USP45: variants seen among roughly 807,000 people sequenced by gnomAD.
USP45 encodes ubiquitin carboxyl-terminal hydrolase 45.
A neutral mutation model predicts 95.8 loss-of-function variants in USP45; 89 were observed. The ratio of observed to expected loss-of-function variants is 0.93; its 90% CI spans 0.78 to 1.11. The LOEUF is 1.11. Among genes scored for constraint, USP45 ranks in the 50% least tolerant of loss-of-function variants. The pLI is 0.00. For synonymous variants in USP45, 281 were observed against 316.2 expected, an observed-to-expected ratio of 0.89 and a Z score of 1.18; for missense variants, 898 against 942.5, an observed-to-expected ratio of 0.95 and a Z score of 0.62.
chr6:99,453,336 T>A (rs964592285), intron 13 of USP45, among the ~76,000 whole-genome samples: 36 of 152,008 alleles, frequency 2.4e-4, no homozygotes, highest in Non-Finnish European at 2.5e-4. Context: ...AAAATCAACA[T>A]ATGAAAATCA....
intron 13 of USP45, chr6:99,462,373 T>C (rs1316138637): frequency 1.0e-6 from 1 of 984,978 alleles, no homozygotes; most frequent in Non-Finnish European, 1.2e-6. Context: ...GGATAGCGGA[T>C]GTATTAAAAC....
At chr6:99,452,111 T>C (rs1391834812) in intron 13 of USP45, among the ~76,000 whole-genome samples, 1 of 152,152 alleles carries the variant, frequency 6.6e-6, no homozygotes, top group African/African-American at 2.4e-5. Context: ...ATTCAGGACA[T>C]AGGCATGGGC....
chr6:99,466,611 TATA>T, intron 11 of USP45, 58 bp downstream of exon 11: 24 of 1,355,728 alleles, frequency 1.8e-5, no homozygotes, highest in Non-Finnish European at 2.5e-5. Context: ...TGAAAGAAAA[TATA>T]ATAAAAATGA....
chr6:99,488,181 TCAAA>T lies in USP45; in HGVS notation c.714+15_714+18del. 6.5e-7 allele frequency: 1 copy of T among 1,547,160 alleles called. No homozygotes were observed. Among genetic ancestry groups the T allele is most frequent in the African/African-American group, 1.4e-5 (1 of 73,572 alleles). Reference sequence around the variant, plus strand: ...TGGCTCATCTGAAAGCAGCTATTATTCAAACAGTTATTACTCACCAGCTGAGAGT... The same window carrying T: ...TGGCTCATCTGAAAGCAGCTATTATTCAGTTATTACTCACCAGCTGAGAGT... On this transcript the variant is annotated intron_variant, in intron 7 of 17. Transcript: ENST00000500704.
chr6:99,505,640 C>CA (rs11303051), intron 4 of USP45, among the ~76,000 whole-genome samples: 1,449 of 85,224 alleles, frequency 0.017, 13 homozygotes, highest in Middle Eastern at 0.036. Context: ...GATTCCATCT[C>CA]AAAAAAAAAA....
intron 7 of USP45, among the ~76,000 whole-genome samples, chr6:99,486,139 T>TA (rs954723060): frequency 2.6e-4 from 40 of 151,582 alleles, no homozygotes; most frequent in African/African-American, 9.4e-4. Context: ...CACAATAAGG[T>TA]AAAAAAATAA....
In USP45 at chr6:99,437,726, C is replaced by G. The variant is rs139835544; in HGVS notation, c.2161-327G>C. On this transcript the variant is annotated intron_variant, in intron 16 of 17. Coordinates refer to ENST00000500704, the MANE Select transcript of USP45 (RefSeq NM_001346022.3). ...AGGCTGGAGTGCAATGGTGTGATCT[C>G]GGCTCACTGCAACCTCCGCCACCCA... Among the ~76,000 whole-genome samples, 1,151 of 151,578 alleles carry G rather than the reference C, an allele frequency of 7.6e-3. 22 individuals are homozygous for G. Among genetic ancestry groups the G allele is most frequent in the African/African-American group, 0.026 (1,066 of 41,232 alleles).
chr6:99,462,174 A>G (rs1583123889), intron 13 of USP45: 2 of 978,530 alleles, frequency 2.0e-6, no homozygotes, highest in East Asian at 2.3e-4. Context: ...GAATAGGTCC[A>G]ATAAAAAAGT....
Position 99,464,845 on chromosome 6 carries a change from T to G in USP45, c.1165-98A>C. 4 of 1,311,430 alleles carry G rather than the reference T, an allele frequency of 3.1e-6. No homozygotes were observed. The South Asian group carries it at 5.0e-5, about 16-fold the overall frequency. The allele number at this position is 1,311,430 out of a possible 1,614,324, so 81.2% of individuals were successfully genotyped here. On this transcript the variant is annotated intron_variant, in intron 12 of 17. Coordinates refer to ENST00000500704, the MANE Select transcript of USP45 (RefSeq NM_001346022.3). ...TTTGACTGACTTGAAATACAAAAAA[T>G]TAACAAATTATCAAAATAAAAAGTG...
chr6:99,479,601 CAAA>C (rs34635892), intron 8 of USP45, among the ~76,000 whole-genome samples: 3 of 117,072 alleles, frequency 2.6e-5, no homozygotes, highest in African/African-American at 3.3e-5. Context: ...TTCCAACAGA[CAAA>C]AAAAAAAAAA....
In USP45 at chr6:99,433,563, T is replaced by G. The variant is rs1780029944; in HGVS notation, c.*2153A>C. 2.0e-5 allele frequency: 3 copies of G among 152,350 alleles called. No individual in the cohort carries two copies. Among genetic ancestry groups the G allele is most frequent in the Non-Finnish European group, 4.4e-5 (3 of 68,022 alleles). The allele number at this position is 152,350 out of a possible 1,614,324, so 9.4% of individuals were successfully genotyped here. On this transcript the variant is annotated 3_prime_UTR_variant, in exon 18 of 18. Transcript: ENST00000500704. ...AAATTCTTAAGTATCAAAAATCCAA[T>G]TTATTCCATTTTCAGAAGACAAGGA...
chr6:99,508,737 T>C lies in USP45; in HGVS notation c.146A>G (p.His49Arg). 1 of 1,613,470 alleles carries C rather than the reference T, an allele frequency of 6.2e-7. No individual in the cohort carries two copies. The highest frequency in any genetic ancestry group is 8.5e-7 in the Non-Finnish European group (1 of 1,179,828). The change falls in exon 3 of 18, where the codon CAT becomes CGT. Residue 49 changes from histidine to arginine, a missense_variant. Physicochemically the swap from His to Arg is conservative, Grantham distance 29. Transcript: ENST00000500704. Reference sequence around the variant, plus strand: ...ATTCTCAGCTATTGCTCTCTTTACATGATTCACGCTGATAGCATGACTTAC... The same window carrying C: ...ATTCTCAGCTATTGCTCTCTTTACACGATTCACGCTGATAGCATGACTTAC... ...QHVSHAISVN[H>R]VKRAIAENLW...
At chr6:99,499,154 A>G (rs1796889772) in intron 5 of USP45, among the ~76,000 whole-genome samples, 1 of 152,188 alleles carries the variant, frequency 6.6e-6, no homozygotes, top group South Asian at 2.1e-4. Context: ...AAGAGAAAGA[A>G]AATTTCTGGT....
chr6:99,487,336 A>T (rs1351330348), intron 7 of USP45, among the ~76,000 whole-genome samples: 1 of 152,170 alleles, frequency 6.6e-6, no homozygotes, highest in Non-Finnish European at 1.5e-5. Flanking sequence ...ATTTCATCGT[A>T]GTCTCAGAGA....
upstream of USP45, among the ~76,000 whole-genome samples, chr6:99,517,366 A>C (rs1583541427): frequency 6.6e-6 from 1 of 152,166 alleles, no homozygotes; most frequent in East Asian, 1.9e-4. Context: ...GTTTGGAAAT[A>C]TGGGGAATCT....
At chr6:99,514,786 T>A (rs1800759407) in intron 1 of USP45, 1 of 152,218 alleles carries the variant, frequency 6.6e-6, no homozygotes, top group Non-Finnish European at 1.5e-5. Flanking sequence ...GCACTTATGG[T>A]TTTGCTGTGT....
intron 7 of USP45, among the ~76,000 whole-genome samples, 192 bp from the exon 8 acceptor site, chr6:99,483,075 T>G (rs956024906): frequency 1.3e-5 from 2 of 152,186 alleles, no homozygotes; most frequent in African/African-American, 4.8e-5. Flanking sequence ...CACAGGTATT[T>G]TCATATCCTC....
At chr6:99,462,242 C>A (rs1396424678) in intron 13 of USP45, 11 of 983,290 alleles carry the variant, frequency 1.1e-5, no homozygotes, top group Non-Finnish European at 1.3e-5. Flanking sequence ...ATTTGTTCAG[C>A]ACAAGCACAA....
intron 13 of USP45, among the ~76,000 whole-genome samples, chr6:99,455,906 G>A (rs990785314): frequency 4.0e-5 from 6 of 150,838 alleles, no homozygotes; most frequent in East Asian, 1.9e-4. Flanking sequence ...AGACTGAGGC[G>A]GGTGGATCAT....
Sources: allele counts gnomAD v4.1 joint callset (sites outside exome capture counted in the v4.1 genomes callset), GRCh38; gene constraint gnomAD v4.1.1; transcripts MANE v1.5; gene names NCBI Gene and HGNC (gene_info 2026-07-23, HGNC 2026-07-21).